JAK1: variants seen among roughly 807,000 people sequenced by gnomAD.
The protein encoded by JAK1 is Janus kinase 1, also known as tyrosine-protein kinase JAK1.
A neutral mutation model predicts 136.6 loss-of-function variants in JAK1; 16 were observed. The observed-to-expected ratio is 0.12, with a 90% CI of 0.08 to 0.18. The LOEUF is 0.18. Ranked by LOEUF, JAK1 falls within the 10% of genes least tolerant of loss-of-function variation. The pLI is 1.00. For missense variants in JAK1, 859 were observed against 1,450.1 expected, an observed-to-expected ratio of 0.59 and a Z score of 6.62; for synonymous variants, 492 against 519.5, an observed-to-expected ratio of 0.95 and a Z score of 0.72.
chr1:65,051,887 A>G (rs907901627), intron 1 of JAK1, among the ~76,000 whole-genome samples: 2 of 152,196 alleles, frequency 1.3e-5, no homozygotes, highest in African/African-American at 2.4e-5. Flanking sequence ...TTTACATTAG[A>G]AGCATGTATT....
chr1:65,021,399 C>T (rs1274754708), intron 2 of JAK1, among the ~76,000 whole-genome samples: 11 of 152,190 alleles, frequency 7.2e-5, no homozygotes, highest in Non-Finnish European at 1.5e-4. Context: ...CTGTTCTTTC[C>T]TTCCATCGGC....
chr1:64,992,725 C>T, intron 2 of JAK1: 1 of 151,764 alleles, frequency 6.6e-6, no homozygotes, highest in Non-Finnish European at 1.5e-5. Context: ...CCATCTCTAC[C>T]AAAAATACAA....
chr1:64,968,651 G>T (rs971638578), upstream of JAK1, among the ~76,000 whole-genome samples: 2 of 152,048 alleles, frequency 1.3e-5, no homozygotes, highest in African/African-American at 4.8e-5. Flanking sequence ...ACAAACAAAG[G>T]CCAGGTGCAG....
intron 1 of JAK1, among the ~76,000 whole-genome samples, chr1:64,912,812 G>A (rs1645307235): frequency 1.3e-5 from 2 of 152,142 alleles, no homozygotes; most frequent in Non-Finnish European, 2.9e-5. Flanking sequence ...AAACATTTAG[G>A]CTTTGAAGAT....
At chr1:64,911,573 T>C (rs1396973094) in intron 1 of JAK1, among the ~76,000 whole-genome samples, 1 of 152,174 alleles carries the variant, frequency 6.6e-6, no homozygotes, top group Non-Finnish European at 1.5e-5. Flanking sequence ...CAAAGAGAAG[T>C]ATCTGAGCTG....
At chr1:65,058,360 C>T in intron 1 of JAK1, 1 of 533,256 alleles carries the variant, frequency 1.9e-6, no homozygotes, top group Non-Finnish European at 3.9e-6. Flanking sequence ...GTCCCAGCCA[C>T]CTGTTTCACA....
chr1:64,904,341 A>T lies in JAK1; in HGVS notation c.-77-18000T>A, dbSNP rs533648681. ...CAAATTATGTTTTCTGGAATCTTGT[A>T]CTTCTGTGCAATGATAGTAACTGTT... is the stretch of plus-strand genomic sequence containing the variant. On this transcript the variant is annotated intron_variant, in intron 1 of 24. Coordinates refer to ENST00000342505, the MANE Select transcript of JAK1 (RefSeq NM_002227.4). Among the ~76,000 whole-genome samples, 9 of 152,282 alleles carry T rather than the reference A, an allele frequency of 5.9e-5. No individual in the cohort carries two copies. The South Asian group carries it at 1.9e-3, about 32-fold the overall frequency.
At chr1:65,001,274 G>A (rs74080249) in intron 2 of JAK1, among the ~76,000 whole-genome samples, 1 of 152,172 alleles carries the variant, frequency 6.6e-6, no homozygotes, top group Non-Finnish European at 1.5e-5. Flanking sequence ...CGACCCACGC[G>A]TTTATCTTTC....
intron 1 of JAK1, among the ~76,000 whole-genome samples, chr1:65,046,338 GAGGCCATGCCAA>G (rs1647182942): frequency 6.6e-6 from 1 of 152,200 alleles, no homozygotes; most frequent in African/African-American, 2.4e-5. Context: ...GGACAAGCTG[GAGGCCATGCCAA>G]AGGGAGCCCA....
chr1:64,939,124 A>G (rs947143815), intron 1 of JAK1, among the ~76,000 whole-genome samples: 1 of 152,174 alleles, frequency 6.6e-6, no homozygotes, highest in Non-Finnish European at 1.5e-5. Context: ...GAGAACTACT[A>G]TCTGAAAGAC....
chr1:65,013,433 AAAAG>A (rs1160008257), intron 2 of JAK1, among the ~76,000 whole-genome samples: 1 of 152,046 alleles, frequency 6.6e-6, no homozygotes, highest in Non-Finnish European at 1.5e-5. Context: ...CCGAAACAAA[AAAAG>A]AAAATCCATC....
intron 1 of JAK1, among the ~76,000 whole-genome samples, chr1:64,887,978 C>T (rs1330166634): frequency 6.6e-6 from 1 of 152,154 alleles, no homozygotes; most frequent in East Asian, 1.9e-4. Context: ...CAGGTTTCCT[C>T]ACAGCATACC....
intron 1 of JAK1, among the ~76,000 whole-genome samples, chr1:65,067,167 C>T (rs1648091858): frequency 6.6e-6 from 1 of 151,772 alleles, no homozygotes; most frequent in Non-Finnish European, 1.5e-5. Flanking sequence ...CGCCGCCGCC[C>T]CCGCGCTCCG....
At chr1:64,923,978 G>C (rs1455707433) in intron 1 of JAK1, among the ~76,000 whole-genome samples, 1 of 152,112 alleles carries the variant, frequency 6.6e-6, no homozygotes, top group Non-Finnish European at 1.5e-5. Context: ...AAAGATATCT[G>C]TAAGAATATA....
chr1:64,964,508 G>A (rs1646338516), intron 1 of JAK1, among the ~76,000 whole-genome samples: 2 of 152,138 alleles, frequency 1.3e-5, no homozygotes, highest in Non-Finnish European at 2.9e-5. Flanking sequence ...TTATATTTTA[G>A]GAAATGTTTG....
chr1:64,864,451 G>A (rs1414914008), intron 8 of JAK1, among the ~76,000 whole-genome samples: 2 of 152,240 alleles, frequency 1.3e-5, no homozygotes, highest in East Asian at 3.8e-4. Context: ...GGCCGTGCCA[G>A]AACCCTTGGG....
At chr1:64,883,984 T>C (rs1644816125) in intron 2 of JAK1, among the ~76,000 whole-genome samples, 1 of 152,106 alleles carries the variant, frequency 6.6e-6, no homozygotes, top group South Asian at 2.1e-4. Flanking sequence ...ATGAACCGTA[T>C]CTTATCTCTC....
At chr1:64,978,996 G>C (rs1004242332) in intron 2 of JAK1, among the ~76,000 whole-genome samples, 1 of 152,044 alleles carries the variant, frequency 6.6e-6, no homozygotes, top group Non-Finnish European at 1.5e-5. Flanking sequence ...CTGTGTCCAC[G>C]TACAGGTTAT....
At chr1:65,002,657 T>G (rs764519108) in intron 2 of JAK1, among the ~76,000 whole-genome samples, 1 of 152,204 alleles carries the variant, frequency 6.6e-6, no homozygotes, top group Non-Finnish European at 1.5e-5. Context: ...CGGAGCCAGC[T>G]GGATGCGTCA....
Sources: gnomAD v4.1 joint callset for allele counts (sites outside exome capture counted in the v4.1 genomes callset) on GRCh38, gnomAD v4.1.1 for gene constraint, MANE v1.5 for transcripts, NCBI Gene and HGNC (gene_info 2026-07-23, HGNC 2026-07-21) for gene names.